Variants in IMMP2L observed in about 807,000 individuals in gnomAD.
IMMP2L encodes mitochondrial inner membrane protease subunit 2.
Under a neutral mutation model 19.3 loss-of-function variants are expected in IMMP2L, and 18 were observed. The ratio of observed to expected loss-of-function variants is 0.93; its 90% CI spans 0.64 to 1.38. IMMP2L has a LOEUF of 1.38. Among genes scored for constraint, IMMP2L ranks in the 40% most tolerant of loss-of-function variants. The pLI, the probability that IMMP2L is intolerant of heterozygous loss-of-function variation, is 0.00. For missense variants in IMMP2L, 233 were observed against 218.2 expected, an observed-to-expected ratio of 1.07 and a Z score of -0.43; for synonymous variants, 76 against 73.0, an observed-to-expected ratio of 1.04 and a Z score of -0.21.
At chr7:111,181,486 G>A (rs760232280) in intron 3 of IMMP2L, among the ~76,000 whole-genome samples, 3 of 151,904 alleles carry the variant, frequency 2.0e-5, no homozygotes, top group African/African-American at 4.8e-5. Flanking sequence ...TAACAAATGG[G>A]TAAATCCTGT....
intron 3 of IMMP2L, among the ~76,000 whole-genome samples, chr7:111,288,071 AT>A (rs760266688): frequency 2.0e-5 from 3 of 151,924 alleles, no homozygotes; most frequent in Admixed American, 1.3e-4. Flanking sequence ...TTTATTACAG[AT>A]TTTTTTTGGC....
At chr7:111,463,400 A>T (rs1840319492) in intron 3 of IMMP2L, among the ~76,000 whole-genome samples, 1 of 151,930 alleles carries the variant, frequency 6.6e-6, no homozygotes, top group South Asian at 2.1e-4. Context: ...TCTGCTCCAC[A>T]TCCCAGAGGC....
At chr7:110,735,113 A>T (rs1796529380) in intron 5 of IMMP2L, among the ~76,000 whole-genome samples, 5 of 152,174 alleles carry the variant, frequency 3.3e-5, no homozygotes, top group Admixed American at 3.3e-4. Flanking sequence ...AATAACCGAC[A>T]TGCCTGCAAC....
intron 5 of IMMP2L, among the ~76,000 whole-genome samples, chr7:110,777,045 A>G (rs1799436308): frequency 6.6e-6 from 1 of 152,048 alleles, no homozygotes; most frequent in Non-Finnish European, 1.5e-5. Context: ...ATTTGACAGC[A>G]GCTCTGTGTT....
At chr7:111,290,052 T>G (rs149801834) in intron 3 of IMMP2L, among the ~76,000 whole-genome samples, 191 of 152,280 alleles carry the variant, frequency 1.3e-3, no homozygotes, top group African/African-American at 4.4e-3. Flanking sequence ...ATTTCAAACC[T>G]ACTTATTATC....
intron 3 of IMMP2L, among the ~76,000 whole-genome samples, chr7:110,969,194 A>T (rs181653142): frequency 1.3e-4 from 20 of 152,252 alleles, no homozygotes; most frequent in African/African-American, 4.8e-4. Context: ...TGGATTCTGT[A>T]CACTTGCTTC....
intron 3 of IMMP2L, among the ~76,000 whole-genome samples, chr7:111,358,856 G>A (rs1584786750): frequency 6.6e-6 from 1 of 152,054 alleles, no homozygotes; most frequent in African/African-American, 2.4e-5. Context: ...AGTAAAGGAA[G>A]GAGAAGGTGC....
chr7:111,383,556 A>C (rs756016082), intron 3 of IMMP2L, among the ~76,000 whole-genome samples: 3 of 152,128 alleles, frequency 2.0e-5, no homozygotes, highest in Non-Finnish European at 2.9e-5. Context: ...CCTCATTGAA[A>C]AAGTCAGACA....
chr7:111,024,294 C>G (rs764246782), intron 3 of IMMP2L, among the ~76,000 whole-genome samples: 3 of 152,128 alleles, frequency 2.0e-5, no homozygotes, highest in Non-Finnish European at 4.4e-5. Context: ...CTTCCAGAGT[C>G]GAGTAGTTTC....
At chr7:110,914,232 C>A (rs1375027102) in intron 4 of IMMP2L, among the ~76,000 whole-genome samples, 1 of 152,152 alleles carries the variant, frequency 6.6e-6, no homozygotes, top group Non-Finnish European at 1.5e-5. Context: ...GGATCCTGAT[C>A]TCACTCGTTT....
intron 3 of IMMP2L, among the ~76,000 whole-genome samples, chr7:111,383,813 C>A (rs777372217): frequency 6.6e-6 from 1 of 151,936 alleles, no homozygotes; most frequent in Non-Finnish European, 1.5e-5. Flanking sequence ...CTCCTGAAAT[C>A]CCCCTCCTTC....
intron 3 of IMMP2L, among the ~76,000 whole-genome samples, chr7:111,463,158 T>C (rs938159313): frequency 2.4e-4 from 37 of 151,876 alleles, no homozygotes; most frequent in African/African-American, 9.0e-4. Context: ...TCTGCCTATA[T>C]CTCTTCACAT....
At chr7:110,813,265 T>G (rs547361433) in intron 5 of IMMP2L, among the ~76,000 whole-genome samples, 1 of 152,076 alleles carries the variant, frequency 6.6e-6, no homozygotes, top group African/African-American at 2.4e-5. Flanking sequence ...TTGAATTCAT[T>G]TGAGCAAAAA....
At chr7:111,311,298 G>A (rs1046908779) in intron 3 of IMMP2L, among the ~76,000 whole-genome samples, 2 of 151,812 alleles carry the variant, frequency 1.3e-5, no homozygotes, top group Admixed American at 6.6e-5. Context: ...CATGAGAGAA[G>A]GGAAAGAAAG....
At chr7:111,454,128 T>C (rs1008500073) in intron 3 of IMMP2L, among the ~76,000 whole-genome samples, 2 of 151,896 alleles carry the variant, frequency 1.3e-5, no homozygotes, top group African/African-American at 4.8e-5. Flanking sequence ...TTTTTGAGGG[T>C]TTTTGGTTTT....
intron 5 of IMMP2L, among the ~76,000 whole-genome samples, chr7:110,883,047 T>C (rs1176199614): frequency 6.6e-6 from 1 of 152,172 alleles, no homozygotes; most frequent in Non-Finnish European, 1.5e-5. Context: ...GTTTACTTTT[T>C]CTCCTTTACT....
intron 3 of IMMP2L, among the ~76,000 whole-genome samples, chr7:111,169,418 T>C (rs1365253542): frequency 6.6e-6 from 1 of 151,852 alleles, no homozygotes; most frequent in East Asian, 1.9e-4. Flanking sequence ...TCTCTCACAT[T>C]TGGTTTTTGA....
intron 3 of IMMP2L, among the ~76,000 whole-genome samples, chr7:111,242,210 T>C (rs537243923): frequency 1.1e-4 from 17 of 152,194 alleles, no homozygotes; most frequent in Admixed American, 2.0e-4. Flanking sequence ...AGGACAGGTG[T>C]GTGTTGCTCA....
intron 3 of IMMP2L, among the ~76,000 whole-genome samples, chr7:111,141,916 C>T (rs1214196891): frequency 1.3e-5 from 2 of 152,098 alleles, no homozygotes; most frequent in Non-Finnish European, 2.9e-5. Context: ...GTTGCCCAGG[C>T]TGGTATCGAA....
Sources: gnomAD v4.1 joint callset for allele counts (sites outside exome capture counted in the v4.1 genomes callset) on GRCh38, gnomAD v4.1.1 for gene constraint, MANE v1.5 for transcripts, NCBI Gene and HGNC (gene_info 2026-07-23, HGNC 2026-07-21) for gene names.